The following CADM2 variants were observed in gnomAD, a reference collection of about 807,000 sequenced individuals.
The protein encoded by CADM2 is cell adhesion molecule 2, also known as immunoglobulin superfamily member 4D.
CADM2 carries 12 observed loss-of-function variants against 49.8 expected under a neutral mutation model. The ratio of observed to expected loss-of-function variants is 0.24; its 90% confidence interval spans 0.15 to 0.39. CADM2 has a LOEUF of 0.39. CADM2 is among the 10% of genes least tolerant of loss of function. The pLI, the probability that CADM2 is intolerant of heterozygous loss-of-function variation, is 1.00. For synonymous variants in CADM2, 214 were observed against 175.4 expected (o/e 1.22, Z -1.74); for missense variants, 378 against 492.3 (o/e 0.77, Z 2.20).
chr3:85,361,648 T>C (rs1196034890), intron 1 of CADM2, among the ~76,000 whole-genome samples: 1 of 152,198 alleles, frequency 6.6e-6, no homozygotes, highest in Non-Finnish European at 1.5e-5. Flanking sequence ...TTCTGCCATC[T>C]AGGATCTAAG....
chr3:85,594,457 G>A (rs2063189455), intron 1 of CADM2, among the ~76,000 whole-genome samples: 1 of 151,796 alleles, frequency 6.6e-6, no homozygotes, highest in South Asian at 2.1e-4. Flanking sequence ...GAAAGAGCAG[G>A]CAATAATTGT....
At chr3:85,638,585 T>C (rs779834279) in intron 1 of CADM2, among the ~76,000 whole-genome samples, 1 of 152,106 alleles carries the variant, frequency 6.6e-6, no homozygotes, top group African/African-American at 2.4e-5. Context: ...TATGTTTTAT[T>C]TGAGCATTTT....
chr3:85,798,936 T>A (rs1455288978), intron 2 of CADM2, among the ~76,000 whole-genome samples: 2 of 152,218 alleles, frequency 1.3e-5, no homozygotes, highest in African/African-American at 4.8e-5. Flanking sequence ...TTTTGTCCCC[T>A]CTTATTTTTT....
At chr3:85,134,308 C>G (rs2039346785) in intron 1 of CADM2, among the ~76,000 whole-genome samples, 1 of 152,202 alleles carries the variant, frequency 6.6e-6, no homozygotes, top group Admixed American at 6.5e-5. Context: ...AAGGGGCTCC[C>G]ACAGTGCAGC....
intron 1 of CADM2, among the ~76,000 whole-genome samples, chr3:85,382,218 A>C (rs2033947381): frequency 6.6e-6 from 1 of 152,178 alleles, no homozygotes; most frequent in Non-Finnish European, 1.5e-5. Context: ...ACTCAAAATA[A>C]ATTCTGATCA....
chr3:85,748,018 G>A (rs2107847875), intron 2 of CADM2, among the ~76,000 whole-genome samples: 1 of 151,996 alleles, frequency 6.6e-6, no homozygotes, highest in African/African-American at 2.4e-5. Context: ...AAGAAATATG[G>A]TTCATTTTTA....
chr3:85,202,651 T>A (rs2041534159), intron 1 of CADM2, among the ~76,000 whole-genome samples: 1 of 152,070 alleles, frequency 6.6e-6, no homozygotes, highest in South Asian at 2.1e-4. Flanking sequence ...GATAAATGAG[T>A]ATTGACTTCC....
intron 3 of CADM2, among the ~76,000 whole-genome samples, chr3:85,860,729 C>T (rs1275389170): frequency 6.6e-6 from 1 of 152,118 alleles, no homozygotes; most frequent in African/African-American, 2.4e-5. Context: ...TCATCCTTTC[C>T]TTATTCCATC....
At chr3:85,240,161 A>C (rs2042497989) in intron 1 of CADM2, among the ~76,000 whole-genome samples, 1 of 151,508 alleles carries the variant, frequency 6.6e-6, no homozygotes, top group African/African-American at 2.4e-5. Context: ...GTAAAATTTT[A>C]ATAACTTATG....
intron 8 of CADM2, among the ~76,000 whole-genome samples, chr3:85,998,203 A>G (rs1348572316): frequency 6.6e-6 from 1 of 152,136 alleles, no homozygotes; most frequent in Non-Finnish European, 1.5e-5. Flanking sequence ...TGGATATAGC[A>G]TATGTATTTT....
At chr3:85,685,734 C>A (rs998629762) in intron 1 of CADM2, among the ~76,000 whole-genome samples, 1 of 151,336 alleles carries the variant, frequency 6.6e-6, no homozygotes, top group Non-Finnish European at 1.5e-5. Context: ...AGCAATTCTC[C>A]TTCCTCAGCC....
chr3:85,360,077 A>G (rs2032245530), intron 1 of CADM2, among the ~76,000 whole-genome samples: 1 of 151,930 alleles, frequency 6.6e-6, no homozygotes, highest in South Asian at 2.1e-4. Flanking sequence ...ATAAATACAA[A>G]ATAATTTTTT....
At chr3:85,846,265 T>C (rs1413528731) in intron 3 of CADM2, among the ~76,000 whole-genome samples, 1 of 151,894 alleles carries the variant, frequency 6.6e-6, no homozygotes, top group East Asian at 1.9e-4. Context: ...TATTTCTATT[T>C]CTAAATACTT....
At chr3:85,184,450 T>A (rs1452030711) in intron 1 of CADM2, among the ~76,000 whole-genome samples, 1 of 152,162 alleles carries the variant, frequency 6.6e-6, no homozygotes, top group African/African-American at 2.4e-5. Context: ...TATGCAACTT[T>A]AAAAATATTA....
chr3:85,955,224 G>T (rs1233851751), intron 7 of CADM2, among the ~76,000 whole-genome samples: 2 of 151,208 alleles, frequency 1.3e-5, no homozygotes, highest in East Asian at 2.0e-4. Context: ...TCTAGGAAAA[G>T]TAAGTTTAAT....
At chr3:85,484,162 A>G (rs891004805) in intron 1 of CADM2, among the ~76,000 whole-genome samples, 6 of 151,902 alleles carry the variant, frequency 3.9e-5, no homozygotes, top group African/African-American at 1.2e-4. Context: ...CCAGGCTACA[A>G]ACTTTTTTCC....
intron 1 of CADM2, among the ~76,000 whole-genome samples, chr3:85,425,581 T>C (rs936609118): frequency 2.0e-5 from 3 of 152,206 alleles, no homozygotes; most frequent in African/African-American, 7.2e-5. Context: ...TATGGTGCTA[T>C]TGAACACTTG....
chr3:85,956,168 C>T (rs910926080), intron 7 of CADM2, among the ~76,000 whole-genome samples: 6 of 151,554 alleles, frequency 4.0e-5, no homozygotes, highest in Non-Finnish European at 5.9e-5. Flanking sequence ...TCCTGTTACT[C>T]CTGGTGTCTA....
At chr3:85,546,886 A>G (rs1458264203) in intron 1 of CADM2, among the ~76,000 whole-genome samples, 1 of 152,208 alleles carries the variant, frequency 6.6e-6, no homozygotes, top group Non-Finnish European at 1.5e-5. Context: ...CATATATAGC[A>G]GAGAAAAATC....
Sources: allele counts gnomAD v4.1 joint callset (sites outside exome capture counted in the v4.1 genomes callset), GRCh38; gene constraint gnomAD v4.1.1; transcripts MANE v1.5; gene names NCBI Gene and HGNC (gene_info 2026-07-23, HGNC 2026-07-21).